Variants in GYG1 observed in about 807,000 individuals in gnomAD.
GYG1 encodes glycogenin 1.
Under a neutral mutation model 41.9 loss-of-function variants are expected in GYG1, and 44 were observed. That is an observed-to-expected ratio of 1.05 (90% CI 0.83 to 1.35). The LOEUF (loss-of-function observed/expected upper bound fraction) is 1.35, where lower values mean the gene tolerates loss of function less well. GYG1 is among the 40% of genes most tolerant of loss of function. The pLI is 0.00. For synonymous variants in GYG1, 141 were observed against 158.1 expected, an observed-to-expected ratio of 0.89 and a Z score of 0.81; for missense variants, 429 against 418.9, an observed-to-expected ratio of 1.02 and a Z score of -0.21.
rs549931925 is a variant in GYG1 at position 149,000,380 on chromosome 3, A to C, written c.481+3476A>C. Among the ~76,000 whole-genome samples the C allele has an allele frequency of 7.2e-5, 11 of 152,342 alleles. No homozygotes were observed. The East Asian group carries it at 2.1e-3, about 29-fold the overall frequency. On this transcript the variant is annotated intron_variant, in intron 4 of 7. Transcript: ENST00000345003. ...AAAGTTGAACAATAGCTGTTGTGAA[A>C]TAGTTCTACACTAGTATTGTATAGG...
At chr3:149,015,568 T>C (rs1030245253) in intron 5 of GYG1, among the ~76,000 whole-genome samples, 1 of 152,102 alleles carries the variant, frequency 6.6e-6, no homozygotes, top group Non-Finnish European at 1.5e-5. Flanking sequence ...CTCACAGATA[T>C]GAGGTCAGAT....
At chr3:149,012,940 C>G (rs547156509) in intron 5 of GYG1, among the ~76,000 whole-genome samples, 3 of 151,858 alleles carry the variant, frequency 2.0e-5, no homozygotes, top group Admixed American at 6.6e-5. Context: ...ATCCTCCTGC[C>G]TCAGCCTCCT....
At chr3:148,998,126 A>C (rs575137685) in intron 4 of GYG1, among the ~76,000 whole-genome samples, 1 of 152,256 alleles carries the variant, frequency 6.6e-6, no homozygotes, top group Non-Finnish European at 1.5e-5. Context: ...CAAATTATAC[A>C]TAAAGCTGAG....
At chr3:149,006,106 C>T (rs1481843663) in intron 4 of GYG1, among the ~76,000 whole-genome samples, 2 of 141,586 alleles carry the variant, frequency 1.4e-5, no homozygotes, top group East Asian at 4.0e-4. Flanking sequence ...TTTTTGAGAC[C>T]GAGTCTCACT....
rs71617496 is a variant in GYG1, at chr3:149,028,705, A to ATTTTTTTTTTTTTTTTTTTTTT, written c.*1774_*1795dup. ...GGTGGAAAAGCTGACATAGTTTTAA[A>ATTTTTTTTTTTTTTTTTTTTTT]TTTTTTTTTTTTTTTTTTTTTTTCT... On this transcript the variant is annotated 3_prime_UTR_variant, in exon 8 of 8. Coordinates refer to ENST00000345003, the MANE Select transcript of GYG1 (RefSeq NM_004130.4). 3.0e-5 allele frequency among the ~76,000 whole-genome samples: 4 copies of ATTTTTTTTTTTTTTTTTTTTTT among 133,720 alleles called. No individual in the cohort carries two copies. Among genetic ancestry groups the ATTTTTTTTTTTTTTTTTTTTTT allele is most frequent in the Non-Finnish European group, 3.2e-5 (2 of 63,394 alleles). 87.7% of individuals were successfully genotyped at this position (133,720 alleles called of 152,430 possible). A position where few individuals can be genotyped will look rare whatever the true frequency, so the allele number is the denominator to read the frequency against.
intron 4 of GYG1, 58 bp from the exon 5 acceptor site, chr3:149,009,218 T>TA: frequency 7.4e-7 from 1 of 1,354,816 alleles, no homozygotes; most frequent in Admixed American, 1.7e-5. Flanking sequence ...TGTGCTCCTA[T>TA]AAAATTATTA....
At chr3:149,008,118 A>T (rs1204020209) in intron 4 of GYG1, 1 of 152,130 alleles carries the variant, frequency 6.6e-6, no homozygotes, top group East Asian at 1.9e-4. Flanking sequence ...GTGGTGGGAG[A>T]GTGCACCATA....
chr3:149,006,138 G>A (rs373976546), intron 4 of GYG1, among the ~76,000 whole-genome samples: 23 of 144,604 alleles, frequency 1.6e-4, no homozygotes, highest in Admixed American at 3.6e-4. Flanking sequence ...CCTTGAGTGC[G>A]GTGGCGTGAT....
intron 5 of GYG1, among the ~76,000 whole-genome samples, chr3:149,013,158 A>T (rs1713834116): frequency 6.6e-6 from 1 of 152,092 alleles, no homozygotes; most frequent in Non-Finnish European, 1.5e-5. Flanking sequence ...CAGCCCATAA[A>T]TGCATTTATT....
At chr3:148,997,738 A>AG (rs1220316619) in intron 4 of GYG1, among the ~76,000 whole-genome samples, 1 of 152,266 alleles carries the variant, frequency 6.6e-6, no homozygotes. Flanking sequence ...ATAGAGAAGA[A>AG]GGAGGACATT....
intron 4 of GYG1, among the ~76,000 whole-genome samples, chr3:149,007,677 C>T (rs1162643147): frequency 6.6e-6 from 1 of 152,180 alleles, no homozygotes; most frequent in Non-Finnish European, 1.5e-5. Flanking sequence ...GCCGACTGGA[C>T]TTGCTGTATG....
At chr3:149,007,511 G>A (rs146837453) in intron 4 of GYG1, among the ~76,000 whole-genome samples, 2,090 of 152,282 alleles carry the variant, frequency 0.014, 29 homozygotes, top group Non-Finnish European at 0.025. Context: ...GTTGATTGAA[G>A]GTATTTGGAA....
chr3:149,026,590 A>C, intron 7 of GYG1, 88 bp downstream of exon 7: 1 of 1,039,160 alleles, frequency 9.6e-7, no homozygotes, highest in Admixed American at 1.7e-5. Flanking sequence ...TTAGGAAAAA[A>C]TCATATAATC....
rs1714988927 is a variant in GYG1 at position 149,031,047 on chromosome 3, A to G, written c.*4114A>G. 6.6e-6 allele frequency: 1 copy of G among 152,188 alleles called. No homozygotes were observed. The highest frequency in any genetic ancestry group is 2.1e-4 in the South Asian group (1 of 4,834). 9.4% of individuals were successfully genotyped at this position (152,188 alleles called of 1,614,324 possible). On this transcript the variant is annotated 3_prime_UTR_variant, in exon 8 of 8. Coordinates refer to ENST00000345003, the MANE Select transcript of GYG1 (RefSeq NM_004130.4). ...CTTTGGATTAAAGTTTCCCTTTGAA[A>G]TAAAACCACCTACCTAATCTGACTG...
At chr3:149,003,927 C>T (rs1713247634) in intron 4 of GYG1, 1 of 152,214 alleles carries the variant, frequency 6.6e-6, no homozygotes, top group Admixed American at 6.5e-5. Flanking sequence ...TAAAAAGACA[C>T]CACTTAACTC....
chr3:149,027,295 C>T lies in GYG1; in HGVS notation c.*362C>T. On this transcript the variant is annotated 3_prime_UTR_variant, in exon 8 of 8. Transcript: ENST00000345003. Reference sequence around the variant, plus strand: ...TCACTCCCTTCAGAAGCAGACATGGCATCTGTTCCTTGCTTGCTTGTTGGT... The same window carrying T: ...TCACTCCCTTCAGAAGCAGACATGGTATCTGTTCCTTGCTTGCTTGTTGGT... 1 of 300,490 alleles carries T rather than the reference C, an allele frequency of 3.3e-6. No homozygotes were observed. The highest frequency in any genetic ancestry group is 4.1e-5 in the South Asian group (1 of 24,518). The allele number at this position is 300,490 out of a possible 1,614,324, so 18.6% of individuals were successfully genotyped here.
intron 3 of GYG1, 87 bp downstream of exon 3, chr3:148,996,563 C>G: frequency 2.3e-6 from 3 of 1,312,038 alleles, no homozygotes; most frequent in Non-Finnish European, 3.3e-6. Flanking sequence ...GCTGTCAAGA[C>G]TTGACGGTAA....
intron 2 of GYG1, among the ~76,000 whole-genome samples, chr3:148,995,140 G>A (rs1712712983): frequency 6.6e-6 from 1 of 152,324 alleles, no homozygotes; most frequent in Admixed American, 6.5e-5. Flanking sequence ...AACCCGGGAG[G>A]CAGAGGTTGC....
At chr3:149,016,560 G>C (rs116035671) in intron 5 of GYG1, among the ~76,000 whole-genome samples, 1 of 152,184 alleles carries the variant, frequency 6.6e-6, no homozygotes, top group Non-Finnish European at 1.5e-5. Context: ...GTCTGGGTTC[G>C]AGTGCTGACA....
Sources: gnomAD v4.1 joint callset for allele counts (sites outside exome capture counted in the v4.1 genomes callset) on GRCh38, gnomAD v4.1.1 for gene constraint, MANE v1.5 for transcripts, NCBI Gene and HGNC (gene_info 2026-07-23, HGNC 2026-07-21) for gene names.